Variants in CCDC69 observed in about 807,000 individuals in gnomAD.
CCDC69 encodes coiled-coil domain-containing protein 69.
Under a neutral mutation model 40.3 loss-of-function variants are expected in CCDC69, and 38 were observed. The observed-to-expected ratio is 0.94, with a 90% CI of 0.73 to 1.24. The LOEUF (loss-of-function observed/expected upper bound fraction) is 1.24. CCDC69 is among the 50% of genes most tolerant of loss of function. The pLI is 0.00. For synonymous variants in CCDC69, 141 were observed against 138.9 expected, an observed-to-expected ratio of 1.02 and a Z score of -0.11; for missense variants, 389 against 357.9, an observed-to-expected ratio of 1.09 and a Z score of -0.70.
intron 1 of CCDC69, among the ~76,000 whole-genome samples, chr5:151,223,520 A>G (rs1316189622): frequency 6.6e-6 from 1 of 152,216 alleles, no homozygotes; most frequent in East Asian, 1.9e-4. Context: ...ACACTCTTCG[A>G]GCAGCCCTGA....
chr5:151,190,674 A>G (rs1381045615), intron 4 of CCDC69, among the ~76,000 whole-genome samples: 2 of 151,666 alleles, frequency 1.3e-5, no homozygotes, highest in Non-Finnish European at 2.9e-5. Context: ...TCAAAAAAAA[A>G]AAAAAAAAAA....
intron 1 of CCDC69, among the ~76,000 whole-genome samples, chr5:151,217,171 G>A (rs1169313265): frequency 6.6e-6 from 1 of 152,156 alleles, no homozygotes; most frequent in Non-Finnish European, 1.5e-5. Context: ...AATATCATAT[G>A]TACCTGAGAA....
chr5:151,213,922 TG>T (rs1752993551), intron 1 of CCDC69, among the ~76,000 whole-genome samples: 1 of 152,184 alleles, frequency 6.6e-6, no homozygotes, highest in South Asian at 2.1e-4. Context: ...ACACCTATCC[TG>T]GCTGAGGAAG....
chr5:151,185,881 C>T lies in CCDC69; in HGVS notation c.495+142G>A, dbSNP rs1484262681. The stretch of plus-strand genomic sequence containing the variant: ...AATTTTCCCATCGGTGAAATGGGAA[C>T]TCTTTTATTTCCAGGCCCTTGTGTA... On this transcript the variant is annotated intron_variant, in intron 6 of 8. Transcript: ENST00000355417. The T allele has an allele frequency of 6.1e-6, 4 of 651,486 alleles. No individual in the cohort carries two copies. The East Asian group carries it at 1.0e-4, about 17-fold the overall frequency. 40.4% of individuals were successfully genotyped at this position (651,486 alleles called of 1,614,324 possible).
intron 5 of CCDC69, among the ~76,000 whole-genome samples, chr5:151,186,535 C>T (rs1752522380): frequency 1.3e-5 from 2 of 151,944 alleles, no homozygotes; most frequent in African/African-American, 2.4e-5. Context: ...TAACGGCTCC[C>T]CATACTGCAG....
At chr5:151,201,754 G>A (rs1334525403) in intron 2 of CCDC69, 66 bp from the exon 3 acceptor site, 1 of 1,026,994 alleles carries the variant, frequency 9.7e-7, no homozygotes, top group Non-Finnish European at 1.4e-6. Flanking sequence ...AGTCAGAGCT[G>A]GCAGAGAGAG....
intron 1 of CCDC69, among the ~76,000 whole-genome samples, chr5:151,213,487 A>C (rs2080823): frequency 0.43 from 65,167 of 151,212 alleles, 16,964 homozygotes; most frequent in African/African-American, 0.74. Flanking sequence ...CTCCTGACCT[A>C]GTGATCCACC....
intron 4 of CCDC69, among the ~76,000 whole-genome samples, chr5:151,192,607 T>C (rs1486119706): frequency 6.6e-6 from 1 of 152,180 alleles, no homozygotes; most frequent in African/African-American, 2.4e-5. Context: ...AAAAACGATA[T>C]AACACCAATT....
intron 1 of CCDC69, among the ~76,000 whole-genome samples, chr5:151,205,854 G>C (rs79836269): frequency 6.6e-6 from 1 of 152,244 alleles, no homozygotes; most frequent in East Asian, 1.9e-4. Flanking sequence ...AGGTGCCCTA[G>C]AAACCTCCCA....
chr5:151,193,057 T>G (rs1752642489), intron 4 of CCDC69, among the ~76,000 whole-genome samples: 1 of 152,178 alleles, frequency 6.6e-6, no homozygotes, highest in South Asian at 2.1e-4. Context: ...TATGGAAGGA[T>G]GTACATAGGT....
At chr5:151,209,586 C>CT (rs768505251) in intron 1 of CCDC69, among the ~76,000 whole-genome samples, 143 of 147,108 alleles carry the variant, frequency 9.7e-4, no homozygotes, top group African/African-American at 2.5e-3. Context: ...TTTCTTCTGT[C>CT]TTTTTTTTTT....
intron 4 of CCDC69, among the ~76,000 whole-genome samples, chr5:151,191,260 CAT>C (rs1338338016): frequency 2.6e-5 from 4 of 152,156 alleles, no homozygotes; most frequent in African/African-American, 9.7e-5. Context: ...TGAAAGGAGA[CAT>C]AGACAAATAT....
Position 151,201,692 on chromosome 5 carries a change from G to A in CCDC69, c.125-4C>T. ...GCACAGAGCTGGACAGTTATAGCTA[G>A]AGATGAAAAAGCAAAAAAATAAAAA... On this transcript the variant is annotated splice_region_variant and splice_polypyrimidine_tract_variant and intron_variant, in intron 2 of 8. Transcript: ENST00000355417. The A allele has an allele frequency of 1.3e-6, 2 of 1,586,338 alleles. No individual in the cohort carries two copies. Among genetic ancestry groups the A allele is most frequent in the Non-Finnish European group, 1.7e-6 (2 of 1,167,154 alleles).
chr5:151,189,099 G>A (rs543522651), intron 4 of CCDC69, among the ~76,000 whole-genome samples: 2 of 152,306 alleles, frequency 1.3e-5, no homozygotes, highest in African/African-American at 4.8e-5. Flanking sequence ...TTCAACAGAT[G>A]CCTAAACTGA....
chr5:151,212,801 C>G (rs760849799), intron 1 of CCDC69: 1 of 456,054 alleles, frequency 2.2e-6, no homozygotes, highest in Admixed American at 2.3e-5. Context: ...TCATCTACAG[C>G]CTTGGAGGAC....
At position 151,201,979 on chromosome 5, in the gene CCDC69, T is replaced by C. The variant is rs541156356; in HGVS notation, c.125-291A>G. Among the ~76,000 whole-genome samples, 6 of 152,294 alleles carry C rather than the reference T, an allele frequency of 3.9e-5. No individual in the cohort carries two copies. In the East Asian group the frequency reaches 1.2e-3, roughly 29 times the overall value. The stretch of plus-strand genomic sequence containing the variant: ...CCAGAGACAGCCCCTCGAGTCTCTT[T>C]GGACTTGGAGATCCTCTTTCAAGGA... On this transcript the variant is annotated intron_variant, in intron 2 of 8. Coordinates refer to ENST00000355417, the MANE Select transcript of CCDC69 (RefSeq NM_015621.3).
Position 151,183,337 on chromosome 5 carries a change from C to A in CCDC69, c.*100G>T. 7.3e-7 allele frequency: 1 copy of A among 1,362,670 alleles called. No homozygotes were observed. Among genetic ancestry groups the A allele is most frequent in the South Asian group, 1.3e-5 (1 of 79,932 alleles). 84.4% of individuals were successfully genotyped at this position (1,362,670 alleles called of 1,614,324 possible). A position where few individuals can be genotyped will look rare whatever the true frequency, so the allele number is the denominator to read the frequency against. On this transcript the variant is annotated 3_prime_UTR_variant, in exon 9 of 9. Coordinates refer to ENST00000355417, the MANE Select transcript of CCDC69 (RefSeq NM_015621.3). ...TCTCCATCTCGCTCCCACCCTCGTT[C>A]CTTCCTGGAAAAGAACTGAGAGGCT...
chr5:151,206,016 T>G (rs1381696316), intron 1 of CCDC69, among the ~76,000 whole-genome samples: 1 of 152,142 alleles, frequency 6.6e-6, no homozygotes, highest in Non-Finnish European at 1.5e-5. Context: ...CAGCTGGGTG[T>G]CCTCTAATTC....
At chr5:151,209,666 G>A (rs1450856599) in intron 1 of CCDC69, among the ~76,000 whole-genome samples, 6 of 151,700 alleles carry the variant, frequency 4.0e-5, no homozygotes, top group African/African-American at 7.3e-5. Flanking sequence ...TGCAACCTCC[G>A]CCTCCCAGGC....
Sources: allele counts gnomAD v4.1 joint callset (sites outside exome capture counted in the v4.1 genomes callset), GRCh38; gene constraint gnomAD v4.1.1; transcripts MANE v1.5; gene names NCBI Gene and HGNC (gene_info 2026-07-23, HGNC 2026-07-21).